SHISA9: variants seen among roughly 807,000 people sequenced by gnomAD.
SHISA9 encodes protein shisa-9.
A neutral mutation model predicts 38.0 loss-of-function variants in SHISA9; 13 were observed. The ratio of observed to expected loss-of-function variants is 0.34; its 90% CI spans 0.22 to 0.54. The LOEUF is 0.54. Among genes scored for constraint, SHISA9 ranks in the 20% least tolerant of loss-of-function variants. SHISA9 has a pLI of 0.91. For synonymous variants in SHISA9, 275 were observed against 242.0 expected (o/e 1.14, Z -1.27); for missense variants, 538 against 575.8 (o/e 0.93, Z 0.67).
the SHISA9 span, among the ~76,000 whole-genome samples, chr16:13,306,956 T>G: frequency 6.6e-6 from 1 of 152,236 alleles, no homozygotes; most frequent in African/African-American, 2.4e-5. Flanking sequence ...AGATACTTAA[T>G]AAATATTTAT....
In SHISA9 at chr16:12,916,774, A is replaced by G; in HGVS notation, c.650A>G (p.His217Arg). The change falls in exon 2 of 5, where the codon CAT (histidine) becomes CGT (arginine). Residue 217 changes from histidine (H) to arginine (R), a missense_variant. By Grantham distance (29) the His-to-Arg change is conservative. This residue lies in a region of SHISA9 where 326 missense variants were observed against 305.9 expected (regional missense o/e 1.07). Transcript: ENST00000558583. ...CTAAACATCGTTGTCCACGTCCAGC[A>G]TTATGAGAACATGGACACGAGAACC... ...RDLNIVVHVQ[H>R]YENMDTRTPI... 3 of 1,552,036 alleles carry G rather than the reference A, an allele frequency of 1.9e-6. No individual in the cohort carries two copies. The highest frequency in any genetic ancestry group is 1.7e-4 in the Middle Eastern group (1 of 5,992).
intron 2 of SHISA9, among the ~76,000 whole-genome samples, chr16:13,030,846 A>T (rs1161806751): frequency 6.6e-6 from 1 of 152,208 alleles, no homozygotes; most frequent in Non-Finnish European, 1.5e-5. Flanking sequence ...GGGAAAATGA[A>T]TCCCAAGGAC....
the SHISA9 span, among the ~76,000 whole-genome samples, chr16:13,313,035 C>T: frequency 6.6e-6 from 1 of 151,470 alleles, no homozygotes; most frequent in Non-Finnish European, 1.5e-5. Context: ...GCGGGCGGAT[C>T]ACGAGGTCAG....
chr16:13,154,636 T>C (rs115578895), intron 2 of SHISA9, among the ~76,000 whole-genome samples: 480 of 152,348 alleles, frequency 3.2e-3, no homozygotes, highest in African/African-American at 0.011. Flanking sequence ...TTTGAGGCTG[T>C]TGGATGCAGC....
chr16:13,312,749 T>C, the SHISA9 span, among the ~76,000 whole-genome samples: 1 of 152,216 alleles, frequency 6.6e-6, no homozygotes, highest in Admixed American at 6.5e-5. Context: ...TATTATGCTC[T>C]CAACAGATTT....
At chr16:13,268,112 C>G in the SHISA9 span, among the ~76,000 whole-genome samples, 1 of 152,182 alleles carries the variant, frequency 6.6e-6, no homozygotes, top group African/African-American at 2.4e-5. Flanking sequence ...TCTCCTGAAA[C>G]TCTCAATTCT....
intron 4 of SHISA9, among the ~76,000 whole-genome samples, chr16:13,227,877 T>G (rs1961448): frequency 0.13 from 19,040 of 152,234 alleles, 1,486 homozygotes; most frequent in Admixed American, 0.27. Flanking sequence ...CAGCTTGGTT[T>G]GGATGAATGC....
intron 2 of SHISA9, among the ~76,000 whole-genome samples, chr16:13,058,199 T>C (rs1403782723): frequency 6.6e-6 from 1 of 152,164 alleles, no homozygotes; most frequent in African/African-American, 2.4e-5. Context: ...ATTGAGTGAA[T>C]AACAATTTGG....
chr16:13,180,408 A>C (rs1293717851), intron 2 of SHISA9, among the ~76,000 whole-genome samples: 3 of 152,168 alleles, frequency 2.0e-5, no homozygotes, highest in Non-Finnish European at 4.4e-5. Flanking sequence ...TGAAAAAGAT[A>C]AACTGATCAG....
chr16:13,082,400 T>C (rs1279879762), intron 2 of SHISA9: 1 of 152,230 alleles, frequency 6.6e-6, no homozygotes, highest in Non-Finnish European at 1.5e-5. Flanking sequence ...CGGGCACCTC[T>C]TGGTGGGTCA....
In SHISA9 at chr16:13,145,290, C is replaced by T. The variant is rs938588759; in HGVS notation, c.692-58104C>T. ...CTGTAATCCTAGCACTTTGGGAGGC[C>T]GAGATGGGTGGATCAGTTCAGGTCA... On this transcript the variant is annotated intron_variant, in intron 2 of 4. Coordinates refer to ENST00000558583, the MANE Select transcript of SHISA9 (RefSeq NM_001145204.3). Among the ~76,000 whole-genome samples, 12 of 152,048 alleles carry T rather than the reference C, an allele frequency of 7.9e-5. No homozygotes were observed. In the East Asian group the frequency reaches 1.7e-3, roughly 22 times the overall value.
At chr16:13,143,620 G>A (rs760405504) in intron 2 of SHISA9, among the ~76,000 whole-genome samples, 6 of 152,296 alleles carry the variant, frequency 3.9e-5, no homozygotes, top group African/African-American at 1.4e-4. Context: ...CTAGATTGAT[G>A]TATAAACCAT....
At chr16:13,205,628 AG>A (rs2051056282) in intron 3 of SHISA9, among the ~76,000 whole-genome samples, 1 of 152,218 alleles carries the variant, frequency 6.6e-6, no homozygotes, top group African/African-American at 2.4e-5. Flanking sequence ...AGACTGGTAA[AG>A]GACATTCATT....
the SHISA9 span, among the ~76,000 whole-genome samples, chr16:13,508,857 A>G: frequency 1.8e-4 from 27 of 152,240 alleles, no homozygotes; most frequent in African/African-American, 5.8e-4. Flanking sequence ...TCTGGTTCCT[A>G]TTGCTAAATT....
At chr16:13,167,232 C>T (rs915875325) in intron 2 of SHISA9, among the ~76,000 whole-genome samples, 7 of 151,908 alleles carry the variant, frequency 4.6e-5, no homozygotes, top group Non-Finnish European at 8.8e-5. Context: ...ACCGCCACAC[C>T]TGGCTAATTT....
the SHISA9 span, among the ~76,000 whole-genome samples, chr16:13,483,219 T>C: frequency 1.3e-5 from 2 of 152,298 alleles, no homozygotes; most frequent in Admixed American, 1.3e-4. Context: ...CTCTTGGATG[T>C]AGCCTATAAA....
chr16:13,445,755 G>A, the SHISA9 span, among the ~76,000 whole-genome samples: 1 of 152,126 alleles, frequency 6.6e-6, no homozygotes, highest in South Asian at 2.1e-4. Flanking sequence ...GGTTCTACTT[G>A]AAGCCAGACG....
the SHISA9 span, among the ~76,000 whole-genome samples, chr16:13,411,507 A>G: frequency 3.3e-5 from 5 of 152,378 alleles, no homozygotes; most frequent in East Asian, 5.8e-4. Flanking sequence ...CAGTTCATCT[A>G]AAGGCTAGCA....
the SHISA9 span, among the ~76,000 whole-genome samples, chr16:13,288,680 G>A: frequency 6.6e-6 from 1 of 152,100 alleles, no homozygotes; most frequent in African/African-American, 2.4e-5. Flanking sequence ...TGTAATCCCA[G>A]CTGCCTGGGA....
Sources: gnomAD v4.1 joint callset for allele counts (sites outside exome capture counted in the v4.1 genomes callset) on GRCh38, gnomAD v4.1.1 for gene constraint, gnomAD v4.1.1 regional missense constraint, MANE v1.5 for transcripts, NCBI Gene and HGNC (gene_info 2026-07-23, HGNC 2026-07-21) for gene names.